Variants in SH2D4B observed in about 807,000 individuals in gnomAD.
SH2D4B encodes SH2 domain-containing protein 4B.
Under a neutral mutation model 61.5 loss-of-function variants are expected in SH2D4B, and 45 were observed. The observed-to-expected ratio is 0.73, with a 90% CI of 0.58 to 0.94. The LOEUF is 0.94. SH2D4B is among the 40% of genes least tolerant of loss of function. The pLI is 0.00. For missense variants in SH2D4B, 572 were observed against 574.2 expected, an observed-to-expected ratio of 1.00 and a Z score of 0.04; for synonymous variants, 224 against 220.4, an observed-to-expected ratio of 1.02 and a Z score of -0.14.
At chr10:80,543,532 C>T (rs530086768) in intron 1 of SH2D4B, among the ~76,000 whole-genome samples, 87 of 152,324 alleles carry the variant, frequency 5.7e-4, no homozygotes, top group Non-Finnish European at 1.1e-3. Context: ...CAAGCTTCCC[C>T]GATGAGCGCC....
chr10:80,611,292 G>A (rs1244014280), intron 6 of SH2D4B, among the ~76,000 whole-genome samples: 3 of 151,334 alleles, frequency 2.0e-5, no homozygotes, highest in Non-Finnish European at 4.4e-5. Context: ...GACACGTCAA[G>A]TTGTTGCTCA....
At chr10:80,603,008 C>G (rs1434854514) in intron 4 of SH2D4B, among the ~76,000 whole-genome samples, 1 of 152,128 alleles carries the variant, frequency 6.6e-6, no homozygotes, top group Non-Finnish European at 1.5e-5. Context: ...CTGGTTTCCT[C>G]ACCCATAAAG....
chr10:80,598,165 C>A (rs1266593465), intron 4 of SH2D4B, among the ~76,000 whole-genome samples: 1 of 152,126 alleles, frequency 6.6e-6, no homozygotes, highest in Non-Finnish European at 1.5e-5. Flanking sequence ...TGCTCAGTTT[C>A]CTCATTTGTA....
intron 3 of SH2D4B, among the ~76,000 whole-genome samples, chr10:80,587,338 T>G (rs1388108309): frequency 6.6e-6 from 1 of 151,984 alleles, no homozygotes; most frequent in Non-Finnish European, 1.5e-5. Flanking sequence ...TGGAGTGCAG[T>G]GGTGCGATCT....
chr10:80,623,514 A>G (rs956665904), intron 6 of SH2D4B, among the ~76,000 whole-genome samples: 1 of 152,194 alleles, frequency 6.6e-6, no homozygotes, highest in African/African-American at 2.4e-5. Context: ...ATGAATTTTT[A>G]TGGGCACAGA....
chr10:80,633,728 A>G (rs1842860206), intron 6 of SH2D4B, among the ~76,000 whole-genome samples: 1 of 152,230 alleles, frequency 6.6e-6, no homozygotes, highest in Admixed American at 6.5e-5. Context: ...TCTGAGCTGA[A>G]GTGAAGCTTG....
chr10:80,615,930 C>A (rs1203878541), intron 6 of SH2D4B, among the ~76,000 whole-genome samples: 1 of 152,094 alleles, frequency 6.6e-6, no homozygotes, highest in Non-Finnish European at 1.5e-5. Context: ...TGGTGTCATG[C>A]AATAAATGCT....
At chr10:80,545,477 T>C (rs1841663413) in intron 1 of SH2D4B, among the ~76,000 whole-genome samples, 1 of 152,058 alleles carries the variant, frequency 6.6e-6, no homozygotes, top group South Asian at 2.1e-4. Flanking sequence ...CTTTTTCTCC[T>C]CCCTCTCTTC....
intron 3 of SH2D4B, among the ~76,000 whole-genome samples, chr10:80,580,570 C>T (rs1842175672): frequency 1.3e-5 from 2 of 152,170 alleles, no homozygotes; most frequent in South Asian, 2.1e-4. Context: ...ATGGTGGTTA[C>T]TGAGGCAAGT....
chr10:80,624,264 A>G (rs1485499084), intron 6 of SH2D4B, among the ~76,000 whole-genome samples: 4 of 152,190 alleles, frequency 2.6e-5, no homozygotes, highest in African/African-American at 9.7e-5. Context: ...AAACTAGGGT[A>G]TAGGACATTC....
chr10:80,577,263 G>A (rs2132122621), intron 3 of SH2D4B, among the ~76,000 whole-genome samples: 1 of 152,310 alleles, frequency 6.6e-6, no homozygotes, highest in East Asian at 1.9e-4. Flanking sequence ...CATGAGCAAA[G>A]CCTTGGTTCT....
intron 3 of SH2D4B, among the ~76,000 whole-genome samples, chr10:80,587,077 C>T (rs557023961): frequency 1.1e-4 from 16 of 151,198 alleles, no homozygotes; most frequent in Admixed American, 3.3e-4. Context: ...CTCGAGGGTC[C>T]GCGGCTTCAT....
intron 1 of SH2D4B, among the ~76,000 whole-genome samples, chr10:80,563,728 T>G (rs72805704): frequency 0.021 from 3,256 of 152,328 alleles, 46 homozygotes; most frequent in Middle Eastern, 0.048. Context: ...TGATACTCAG[T>G]ATTTTTAAAG....
intron 1 of SH2D4B, among the ~76,000 whole-genome samples, chr10:80,562,309 G>C (rs1841910622): frequency 6.6e-6 from 1 of 152,118 alleles, no homozygotes; most frequent in Non-Finnish European, 1.5e-5. Flanking sequence ...ATCACTGATA[G>C]GTTCTTGGAA....
intron 6 of SH2D4B, among the ~76,000 whole-genome samples, chr10:80,614,857 T>C (rs1842642764): frequency 6.6e-6 from 1 of 152,246 alleles, no homozygotes; most frequent in African/African-American, 2.4e-5. Context: ...GAGGATGTTC[T>C]CCACCCTGTG....
intron 6 of SH2D4B, among the ~76,000 whole-genome samples, chr10:80,621,005 CTT>C (rs1842713357): frequency 1.3e-5 from 2 of 152,312 alleles, no homozygotes; most frequent in South Asian, 4.1e-4. Flanking sequence ...TAAATAAACT[CTT>C]ATGGAAACTA....
chr10:80,568,498 C>A (rs536217309), intron 1 of SH2D4B, among the ~76,000 whole-genome samples: 1 of 152,218 alleles, frequency 6.6e-6, no homozygotes, highest in South Asian at 2.1e-4. Context: ...ACAGGAGCTG[C>A]GGGGCTTGGT....
intron 1 of SH2D4B, among the ~76,000 whole-genome samples, chr10:80,545,414 T>C (rs1589329244): frequency 6.6e-6 from 1 of 150,688 alleles, no homozygotes; most frequent in East Asian, 1.9e-4. Context: ...TCTCTTACTT[T>C]CTGTCCTCTT....
chr10:80,612,082 CTT>C (rs1164045744), intron 6 of SH2D4B, among the ~76,000 whole-genome samples: 1 of 150,804 alleles, frequency 6.6e-6, no homozygotes, highest in Admixed American at 6.7e-5. Context: ...AATGTCCTAT[CTT>C]TTATGAATTG....
Sources: gnomAD v4.1 joint callset for allele counts (sites outside exome capture counted in the v4.1 genomes callset) on GRCh38, gnomAD v4.1.1 for gene constraint, MANE v1.5 for transcripts, NCBI Gene and HGNC (gene_info 2026-07-23, HGNC 2026-07-21) for gene names.